PLCB1: variants seen among roughly 807,000 people sequenced by gnomAD.
PLCB1 encodes 1-phosphatidylinositol 4,5-bisphosphate phosphodiesterase beta-1.
In PLCB1, 46 loss-of-function variants were observed where a neutral mutation model predicts 161.8. That is an observed-to-expected ratio of 0.28 (90% CI 0.22 to 0.36). The LOEUF is 0.36. Ranked by LOEUF, PLCB1 falls within the 10% of genes least tolerant of loss-of-function variation. PLCB1 has a pLI of 1.00. For synonymous variants in PLCB1, 517 were observed against 503.7 expected (o/e 1.03, Z -0.35); for missense variants, 1,016 against 1,472.5 (o/e 0.69, Z 5.07).
At chr20:8,170,864 C>G (rs1173143172) in intron 2 of PLCB1, among the ~76,000 whole-genome samples, 13 of 152,178 alleles carry the variant, frequency 8.5e-5, no homozygotes, top group Admixed American at 7.2e-4. Context: ...AACAGCATTA[C>G]TTTTGCTTAG....
chr20:8,253,754 A>C (rs1981271154), intron 2 of PLCB1, among the ~76,000 whole-genome samples: 1 of 151,794 alleles, frequency 6.6e-6, no homozygotes, highest in African/African-American at 2.4e-5. Context: ...TGAGTTTTTC[A>C]ACTCCTGGTC....
At chr20:8,551,941 G>A (rs1263413707) in intron 3 of PLCB1, among the ~76,000 whole-genome samples, 1 of 152,196 alleles carries the variant, frequency 6.6e-6, no homozygotes, top group East Asian at 1.9e-4. Context: ...AGAAGGTCAT[G>A]GTTTTCACAA....
chr20:8,482,863 T>G (rs1361720074), intron 3 of PLCB1, among the ~76,000 whole-genome samples: 1 of 151,820 alleles, frequency 6.6e-6, no homozygotes, highest in African/African-American at 2.4e-5. Flanking sequence ...GGCAAAGAGA[T>G]ATTTGGCAAA....
intron 13 of PLCB1, among the ~76,000 whole-genome samples, chr20:8,717,256 C>T (rs967035371): frequency 1.3e-5 from 2 of 152,150 alleles, no homozygotes; most frequent in African/African-American, 4.8e-5. Context: ...ATTTCATGGG[C>T]TCACCTGGAA....
At chr20:8,398,553 T>C (rs1485834401) in intron 3 of PLCB1, among the ~76,000 whole-genome samples, 1 of 152,140 alleles carries the variant, frequency 6.6e-6, no homozygotes, top group African/African-American at 2.4e-5. Flanking sequence ...AGTCCTCACA[T>C]AGGGGAAAGC....
chr20:8,505,934 T>A (rs896266839), intron 3 of PLCB1, among the ~76,000 whole-genome samples: 2 of 152,208 alleles, frequency 1.3e-5, no homozygotes, highest in Non-Finnish European at 2.9e-5. Flanking sequence ...AAGCACTGTT[T>A]TCACTGTTTC....
intron 4 of PLCB1, among the ~76,000 whole-genome samples, chr20:8,635,972 C>T (rs1007093403): frequency 6.6e-6 from 1 of 152,060 alleles, no homozygotes; most frequent in Admixed American, 6.6e-5. Context: ...GAAACACTTG[C>T]GTATATTCTG....
At chr20:8,482,092 ATTTTTTTTTTTTTTT>A (rs199634903) in intron 3 of PLCB1, among the ~76,000 whole-genome samples, 5 of 104,880 alleles carry the variant, frequency 4.8e-5, no homozygotes, top group African/African-American at 8.5e-5. Context: ...GCTTGAAGGA[ATTTTTTTTTTTTTTT>A]TTTTTTTTTT....
At chr20:8,287,757 G>A (rs2123295979) in intron 2 of PLCB1, among the ~76,000 whole-genome samples, 1 of 152,290 alleles carries the variant, frequency 6.6e-6, no homozygotes, top group Non-Finnish European at 1.5e-5. Context: ...ATGTGACAAT[G>A]ATCTTTGCTG....
chr20:8,484,297 T>G (rs774055018), intron 3 of PLCB1, among the ~76,000 whole-genome samples: 81 of 151,826 alleles, frequency 5.3e-4, no homozygotes, highest in Non-Finnish European at 9.7e-4. Flanking sequence ...AGTGCTGGGA[T>G]TATAGGCATG....
At chr20:8,316,211 G>T (rs1984643825) in intron 2 of PLCB1, among the ~76,000 whole-genome samples, 1 of 152,176 alleles carries the variant, frequency 6.6e-6, no homozygotes. Flanking sequence ...GGGGGAAGAT[G>T]TTATTTCTGA....
At chr20:8,833,538 C>G (rs1243468953) in intron 31 of PLCB1, among the ~76,000 whole-genome samples, 2 of 152,028 alleles carry the variant, frequency 1.3e-5, no homozygotes, top group Non-Finnish European at 2.9e-5. Flanking sequence ...AGAGATTTCA[C>G]ACAGAAAGAA....
At chr20:8,174,355 T>C (rs1028774959) in intron 2 of PLCB1, among the ~76,000 whole-genome samples, 2 of 152,178 alleles carry the variant, frequency 1.3e-5, no homozygotes, top group African/African-American at 4.8e-5. Flanking sequence ...AAAGAAAGTA[T>C]CTGTCAACAG....
At chr20:8,619,279 C>T (rs376581627) in intron 3 of PLCB1, among the ~76,000 whole-genome samples, 12 of 151,896 alleles carry the variant, frequency 7.9e-5, no homozygotes, top group Admixed American at 3.3e-4. Context: ...ATTAGCCGGG[C>T]GTGGTGGCAT....
rs184435439 is a variant in PLCB1, at chr20:8,605,966, T to C, written c.247-22328T>C. On this transcript the variant is annotated intron_variant, in intron 3 of 31. Transcript: ENST00000338037. ...CCAGCTTCATCCATTTCATCCATTT[T>C]ACTGCACAAGACATGATTTCATTCT... Among the ~76,000 whole-genome samples, 10 of 152,320 alleles carry C rather than the reference T, an allele frequency of 6.6e-5. No homozygotes were observed. The East Asian group carries it at 1.9e-3, about 29-fold the overall frequency.
intron 16 of PLCB1, among the ~76,000 whole-genome samples, chr20:8,725,554 A>G (rs571598958): frequency 6.8e-4 from 103 of 152,272 alleles, no homozygotes; most frequent in African/African-American, 2.3e-3. Context: ...ATCTTACAAA[A>G]AGTCTTCACT....
chr20:8,534,488 G>T (rs1984961921), intron 3 of PLCB1, among the ~76,000 whole-genome samples: 1 of 152,160 alleles, frequency 6.6e-6, no homozygotes, highest in Non-Finnish European at 1.5e-5. Flanking sequence ...AGTGAGGAAG[G>T]CAGTTCTGTA....
chr20:8,210,985 A>G (rs1341314221), intron 2 of PLCB1, among the ~76,000 whole-genome samples: 4 of 152,108 alleles, frequency 2.6e-5, no homozygotes, highest in Admixed American at 2.6e-4. Flanking sequence ...ATGCATTCTC[A>G]ATAGCAGGGA....
At chr20:8,448,476 C>T (rs557036960) in intron 3 of PLCB1, among the ~76,000 whole-genome samples, 77 of 152,264 alleles carry the variant, frequency 5.1e-4, no homozygotes, top group African/African-American at 1.8e-3. Flanking sequence ...TAGAAGGCAG[C>T]GGAAGAAGCC....
Sources: gnomAD v4.1 joint callset for allele counts (sites outside exome capture counted in the v4.1 genomes callset) on GRCh38, gnomAD v4.1.1 for gene constraint, MANE v1.5 for transcripts, NCBI Gene and HGNC (gene_info 2026-07-23, HGNC 2026-07-21) for gene names.